Variants in TRIM66 observed in about 807,000 individuals in gnomAD.
TRIM66 encodes tripartite motif-containing protein 66.
TRIM66 carries 99 observed loss-of-function variants against 148.2 expected under a neutral mutation model. That is an observed-to-expected ratio of 0.67 (90% CI 0.57 to 0.79). TRIM66 has a LOEUF of 0.79. Among genes scored for constraint, TRIM66 ranks in the 30% least tolerant of loss-of-function variants. The probability of loss-of-function intolerance (pLI) is 0.00; values close to 1 mark genes in which losing one functional copy is unlikely to be tolerated. For synonymous variants in TRIM66, 616 were observed against 635.9 expected, an observed-to-expected ratio of 0.97 and a Z score of 0.47; for missense variants, 1,666 against 1,697.9, an observed-to-expected ratio of 0.98 and a Z score of 0.33.
chr11:8,620,942 C>T, intron 20 of TRIM66, 90 bp downstream of exon 20: 1 of 1,468,788 alleles, frequency 6.8e-7, no homozygotes, highest in Non-Finnish European at 9.1e-7. Context: ...GTAAGCCCAT[C>T]CTGGGAGCTC....
At position 8,621,750 on chromosome 11, in the gene TRIM66, T is replaced by G. The variant is rs2034238698; in HGVS notation, c.3150A>C (p.Ser1050=). ...TCAGTTTGAACACAGGCATCTCTCC[T>G]GAGGAGGCAGCACAGATCTTGAGTC... ...LERLKICAAS[S]GEMPVFKLKP... Residue 1050 remains serine (S), a synonymous_variant, in exon 19 of 25, where the codon TCA becomes TCC. Coordinates refer to ENST00000646038, the MANE Select transcript of TRIM66 (RefSeq NM_001388022.1). 1.9e-6 allele frequency: 3 copies of G among 1,551,470 alleles called. No individual in the cohort carries two copies. The highest frequency in any genetic ancestry group is 2.6e-6 in the Non-Finnish European group (3 of 1,146,978).
chr11:8,640,935 C>G lies in TRIM66; in HGVS notation c.1440G>C (p.Gln480His), dbSNP rs1366037170. ...CSPVSPSLKG[Q>H]VPPPSIHPAH... The stretch of plus-strand genomic sequence containing the variant: ...CTGGGTGTATGCTGGGTGGGGGGAC[C>G]TGGCCTTTGAGGGAAGGCGAGACTG... Residue 480 changes from glutamine (Q) to histidine (H), a missense_variant, in exon 14 of 25, where the codon CAG becomes CAC. By Grantham distance (24) the Gln-to-His change is conservative. This residue lies in a region of TRIM66 where 1,431 missense variants were observed against 1,412.4 expected (regional missense o/e 1.01). Coordinates refer to ENST00000646038, the MANE Select transcript of TRIM66 (RefSeq NM_001388022.1). 7 of 1,551,044 alleles carry G rather than the reference C, an allele frequency of 4.5e-6. No individual in the cohort carries two copies. The highest frequency in any genetic ancestry group is 6.1e-6 in the Non-Finnish European group (7 of 1,146,964).
At chr11:8,651,189 C>G (rs1435807684) in intron 7 of TRIM66, among the ~76,000 whole-genome samples, 1 of 152,074 alleles carries the variant, frequency 6.6e-6, no homozygotes, top group African/African-American at 2.4e-5. Flanking sequence ...GGGTCGATCT[C>G]CCTAATATCC....
intron 15 of TRIM66, among the ~76,000 whole-genome samples, chr11:8,633,887 A>G (rs1289223759): frequency 6.6e-6 from 1 of 152,168 alleles, no homozygotes; most frequent in Non-Finnish European, 1.5e-5. Context: ...TCGGGCATCA[A>G]AATGCTTTGA....
chr11:8,649,261 C>T (rs2037138428), intron 8 of TRIM66, among the ~76,000 whole-genome samples: 1 of 152,138 alleles, frequency 6.6e-6, no homozygotes, highest in Non-Finnish European at 1.5e-5. Context: ...ATCGCTTGAA[C>T]CCAGGAGGTG....
chr11:8,669,530 G>A (rs544192510), intron 6 of TRIM66, among the ~76,000 whole-genome samples: 45 of 151,882 alleles, frequency 3.0e-4, no homozygotes, highest in African/African-American at 1.1e-3. Context: ...GTAGTCCCAG[G>A]TATTTGGGAG....
In TRIM66 at chr11:8,635,204, G is replaced by A. The variant is rs2035769067; in HGVS notation, c.2310+3450C>T. 1.3e-5 allele frequency among the ~76,000 whole-genome samples: 2 copies of A among 152,168 alleles called. 1 individual carries two copies. Among genetic ancestry groups the A allele is most frequent in the Admixed American group, 1.3e-4 (2 of 15,284 alleles). On this transcript the variant is annotated intron_variant, in intron 15 of 24. Coordinates refer to ENST00000646038, the MANE Select transcript of TRIM66 (RefSeq NM_001388022.1). ...GTCTGGTCCTAACATTGCCCAATGG[G>A]TTGGCTGCATAACTCTTAGGTGGGT...
At chr11:8,632,812 T>C (rs1026298427) in intron 15 of TRIM66, among the ~76,000 whole-genome samples, 1 of 152,192 alleles carries the variant, frequency 6.6e-6, no homozygotes, top group Non-Finnish European at 1.5e-5. Flanking sequence ...ACAATGAGTG[T>C]TCCTCCATCT....
chr11:8,667,017 C>T (rs954598400), intron 6 of TRIM66, among the ~76,000 whole-genome samples: 17 of 152,192 alleles, frequency 1.1e-4, no homozygotes, highest in African/African-American at 3.9e-4. Flanking sequence ...GACAGGGTTT[C>T]GCCATGTTAA....
intron 1 of TRIM66, among the ~76,000 whole-genome samples, chr11:8,682,235 A>G (rs2039469405): frequency 6.6e-6 from 1 of 152,226 alleles, no homozygotes; most frequent in Non-Finnish European, 1.5e-5. Flanking sequence ...GAAGTGTGAG[A>G]GCGGGAGAAG....
rs2033481577 is a variant in TRIM66, at chr11:8,612,869, A to T, written c.*5075T>A. 6.6e-6 allele frequency: 1 copy of T among 152,374 alleles called. No homozygotes were observed. The highest frequency in any genetic ancestry group is 2.4e-5 in the African/African-American group (1 of 41,462). The allele number at this position is 152,374 out of a possible 1,614,324, so 9.4% of individuals were successfully genotyped here. On this transcript the variant is annotated 3_prime_UTR_variant, in exon 25 of 25. Transcript: ENST00000646038. ...AGCAGGCTCTAACTGGTGCAGGATC[A>T]TGGTGAGGAGCTGCCCACCAGCCTG...
chr11:8,639,314 C>T (rs947166336), intron 14 of TRIM66, among the ~76,000 whole-genome samples: 8 of 151,978 alleles, frequency 5.3e-5, no homozygotes, highest in African/African-American at 1.9e-4. Flanking sequence ...AAAGGGGATA[C>T]CACTATAGAA....
chr11:8,657,822 C>A (rs538756141), intron 6 of TRIM66, among the ~76,000 whole-genome samples: 1 of 152,344 alleles, frequency 6.6e-6, no homozygotes, highest in African/African-American at 2.4e-5. Context: ...AATACCCAGA[C>A]CCTGCTAGAA....
At chr11:8,658,666 A>C in intron 6 of TRIM66, 1 of 594,730 alleles carries the variant, frequency 1.7e-6, no homozygotes, top group Non-Finnish European at 2.1e-6. Context: ...CTGCACAGCC[A>C]GAGCTCAAGT....
At chr11:8,647,901 T>C (rs1215142829) in intron 10 of TRIM66, 69 bp downstream of exon 10, 8 of 1,224,332 alleles carry the variant, frequency 6.5e-6, no homozygotes, top group Non-Finnish European at 9.4e-6. Flanking sequence ...TCTGACGGCC[T>C]GGTGTTGGAA....
At chr11:8,626,399 A>G (rs1000207608) in intron 15 of TRIM66, among the ~76,000 whole-genome samples, 6 of 152,318 alleles carry the variant, frequency 3.9e-5, no homozygotes, top group African/African-American at 1.4e-4. Context: ...TCAAGTTTCA[A>G]TATAAAGTTA....
At chr11:8,622,237 T>C (rs535256736) in intron 18 of TRIM66, among the ~76,000 whole-genome samples, 1 of 150,232 alleles carries the variant, frequency 6.7e-6, no homozygotes, top group African/African-American at 2.5e-5. Flanking sequence ...GACAACCTAT[T>C]GTGGGACCCT....
chr11:8,668,031 T>C (rs2038708413), intron 6 of TRIM66, among the ~76,000 whole-genome samples: 1 of 152,244 alleles, frequency 6.6e-6, no homozygotes, highest in Non-Finnish European at 1.5e-5. Context: ...CCTCCAACAG[T>C]GCACAAATAT....
intron 10 of TRIM66, among the ~76,000 whole-genome samples, chr11:8,647,089 C>CATA (rs1198654645): frequency 5.2e-4 from 77 of 148,050 alleles, no homozygotes; most frequent in East Asian, 2.0e-3. Context: ...AAACAATAAA[C>CATA]ATATAATATA....
Sources: gnomAD v4.1 joint callset for allele counts (sites outside exome capture counted in the v4.1 genomes callset) on GRCh38, gnomAD v4.1.1 for gene constraint, gnomAD v4.1.1 regional missense constraint, MANE v1.5 for transcripts, NCBI Gene and HGNC (gene_info 2026-07-23, HGNC 2026-07-21) for gene names.